The following GULP1 variants were observed in gnomAD, a reference collection of about 807,000 sequenced individuals.
GULP1 encodes PTB domain-containing engulfment adapter protein 1.
GULP1 carries 19 observed loss-of-function variants against 40.9 expected under a neutral mutation model. The ratio of observed to expected loss-of-function variants is 0.46; its 90% confidence interval spans 0.32 to 0.68. GULP1 has a LOEUF of 0.68. GULP1 is among the 30% of genes least tolerant of loss of function. The probability of loss-of-function intolerance (pLI) is 0.03; values close to 1 mark genes in which losing one functional copy is unlikely to be tolerated. For synonymous variants in GULP1, 119 were observed against 117.6 expected (o/e 1.01, Z -0.08); for missense variants, 312 against 362.2 (o/e 0.86, Z 1.12).
intron 2 of GULP1, among the ~76,000 whole-genome samples, chr2:188,459,721 G>C (rs1039556500): frequency 6.6e-6 from 1 of 152,226 alleles, no homozygotes; most frequent in Middle Eastern, 3.4e-3. Flanking sequence ...TTTTTGCCCA[G>C]ATCAATGTCC....
rs1325389280 is a variant in GULP1, at chr2:188,587,925, T to C, written c.819T>C (p.Ile273=). ...GAGCAGCAGATTTCCCTCCAGATAT[T>C]CAATCAAAATTAGATGAGATGCAGG... ...NCGAADFPPD[I]QSKLDEMQEG... is the part of the protein sequence containing the mutation. Residue 273 remains isoleucine, a synonymous_variant, in exon 11 of 12, where the codon ATT becomes ATC. Transcript: ENST00000409830. The C allele has an allele frequency of 3.1e-6, 5 of 1,598,600 alleles. No individual in the cohort carries two copies. Among genetic ancestry groups the C allele is most frequent in the African/African-American group, 1.3e-5 (1 of 74,622 alleles).
chr2:188,335,563 AT>A (rs2042151756), intron 1 of GULP1, among the ~76,000 whole-genome samples: 2 of 152,204 alleles, frequency 1.3e-5, no homozygotes, highest in South Asian at 4.1e-4. Flanking sequence ...TATACATCAC[AT>A]TGCTGCAAAT....
At chr2:188,428,057 A>G (rs2056430688) in intron 2 of GULP1, among the ~76,000 whole-genome samples, 1 of 152,168 alleles carries the variant, frequency 6.6e-6, no homozygotes, top group Non-Finnish European at 1.5e-5. Flanking sequence ...GAGTCAAAGG[A>G]GTTTATTTCA....
intron 2 of GULP1, among the ~76,000 whole-genome samples, chr2:188,413,011 G>A (rs1422547338): frequency 2.6e-5 from 4 of 152,046 alleles, no homozygotes; most frequent in African/African-American, 7.3e-5. Flanking sequence ...CTAAAGTCTA[G>A]AGGATTAAGT....
chr2:188,368,919 A>ATG lies in GULP1; in HGVS notation c.-171-14843_-171-14842insGT, dbSNP rs1186464691. On this transcript the variant is annotated intron_variant, in intron 1 of 11. Transcript: ENST00000409830. ...GTGTATTAATAGATAGAATATATATATATGTATATATATATGTGTGTATAT... is the reference window on the plus strand; with the variant it reads ...GTGTATTAATAGATAGAATATATATATGTATGTATATATATATGTGTGTATAT... Among the ~76,000 whole-genome samples the ATG allele has an allele frequency of 9.1e-4, 46 of 50,562 alleles. No individual in the cohort carries two copies. In the South Asian group the frequency reaches 0.017, roughly 19 times the overall value. The allele number at this position is 50,562 out of a possible 152,430, so 33.2% of individuals were successfully genotyped here.
At chr2:188,332,257 T>G (rs2152062375) in intron 1 of GULP1, among the ~76,000 whole-genome samples, 1 of 145,682 alleles carries the variant, frequency 6.9e-6, no homozygotes, top group Non-Finnish European at 1.5e-5. Flanking sequence ...CGGCACAATC[T>G]CGGCTCACTG....
chr2:188,450,058 T>C (rs116004960), intron 2 of GULP1, among the ~76,000 whole-genome samples: 397 of 152,284 alleles, frequency 2.6e-3, no homozygotes, highest in Middle Eastern at 0.01. Context: ...TGCAAATTGA[T>C]GGTTATCTAA....
At chr2:188,586,174 A>G (rs1238274951) in intron 10 of GULP1, among the ~76,000 whole-genome samples, 1 of 152,164 alleles carries the variant, frequency 6.6e-6, no homozygotes, top group Non-Finnish European at 1.5e-5. Context: ...TAACACCTTG[A>G]TAGATTTTTC....
At chr2:188,451,768 C>G (rs1199933523) in intron 2 of GULP1, among the ~76,000 whole-genome samples, 1 of 148,814 alleles carries the variant, frequency 6.7e-6, no homozygotes, top group Non-Finnish European at 1.5e-5. Flanking sequence ...CCAGATTATA[C>G]TAGGAAAATA....
rs1685615277 is a variant in GULP1, at chr2:188,524,468, G to A, written c.162+1641G>A. Among the ~76,000 whole-genome samples the A allele has an allele frequency of 2.6e-5, 4 of 152,040 alleles. No homozygotes were observed. In the South Asian group the frequency reaches 8.3e-4, roughly 32 times the overall value. On this transcript the variant is annotated intron_variant, in intron 5 of 11. Coordinates refer to ENST00000409830, the MANE Select transcript of GULP1 (RefSeq NM_016315.4). ...TTTTTCTCAAATGTCTTCCAAAAGG[G>A]AGTGTATTTAATAAGCAATTTTACT...
intron 7 of GULP1, among the ~76,000 whole-genome samples, chr2:188,553,944 A>G (rs530030990): frequency 3.3e-5 from 5 of 152,098 alleles, no homozygotes; most frequent in Admixed American, 6.5e-5. Context: ...GTTTGTCAGC[A>G]TATAGTTTTT....
chr2:188,395,503 G>T (rs2051122670), intron 2 of GULP1, among the ~76,000 whole-genome samples: 1 of 152,160 alleles, frequency 6.6e-6, no homozygotes. Context: ...CCCTTCATGA[G>T]CACCAGGGCT....
At chr2:188,473,954 T>C (rs958256029) in intron 2 of GULP1, among the ~76,000 whole-genome samples, 1 of 152,198 alleles carries the variant, frequency 6.6e-6, no homozygotes, top group African/African-American at 2.4e-5. Context: ...GTATTACTGC[T>C]GGTTATTCAA....
intron 1 of GULP1, among the ~76,000 whole-genome samples, chr2:188,302,316 A>G (rs557808945): frequency 6.6e-6 from 1 of 152,330 alleles, no homozygotes; most frequent in East Asian, 1.9e-4. Context: ...AGCTCAGACA[A>G]TAGAGAACTA....
intron 2 of GULP1, among the ~76,000 whole-genome samples, chr2:188,412,376 A>T (rs1004829578): frequency 6.6e-6 from 1 of 152,128 alleles, no homozygotes; most frequent in Non-Finnish European, 1.5e-5. Context: ...GTGTGATTTC[A>T]TCTTCACATC....
At chr2:188,535,998 G>A (rs1456190401) in intron 6 of GULP1, among the ~76,000 whole-genome samples, 2 of 152,044 alleles carry the variant, frequency 1.3e-5, no homozygotes, top group African/African-American at 4.8e-5. Context: ...GTCTTCTTTA[G>A]AGAAGTGTCT....
At chr2:188,358,233 G>T (rs2045618972) in intron 1 of GULP1, among the ~76,000 whole-genome samples, 1 of 152,046 alleles carries the variant, frequency 6.6e-6, no homozygotes, top group Admixed American at 6.6e-5. Context: ...AAATAAGCCA[G>T]GCCCAGAAAG....
At chr2:188,319,632 C>T (rs2039664967) in intron 1 of GULP1, among the ~76,000 whole-genome samples, 1 of 152,142 alleles carries the variant, frequency 6.6e-6, no homozygotes, top group African/African-American at 2.4e-5. Flanking sequence ...CATTCATCAA[C>T]AAGCCAGAAA....
chr2:188,433,100 C>T (rs1052938441), intron 2 of GULP1, among the ~76,000 whole-genome samples: 2 of 152,008 alleles, frequency 1.3e-5, no homozygotes, highest in African/African-American at 4.8e-5. Flanking sequence ...TTTGAAGACT[C>T]TATATTTTAA....
Sources: allele counts gnomAD v4.1 joint callset (sites outside exome capture counted in the v4.1 genomes callset), GRCh38; gene constraint gnomAD v4.1.1; transcripts MANE v1.5; gene names NCBI Gene and HGNC (gene_info 2026-07-23, HGNC 2026-07-21).